SP140: variants seen among roughly 807,000 people sequenced by gnomAD.
The protein encoded by SP140 is nuclear body protein SP140.
SP140 carries 81 observed loss-of-function variants against 125.0 expected under a neutral mutation model. The ratio of observed to expected loss-of-function variants is 0.65; its 90% CI spans 0.54 to 0.78. The LOEUF (loss-of-function observed/expected upper bound fraction) is 0.78. SP140 is among the 30% of genes least tolerant of loss of function. The pLI, the probability that SP140 is intolerant of heterozygous loss-of-function variation, is 0.00. For synonymous variants in SP140, 312 were observed against 354.0 expected, an observed-to-expected ratio of 0.88 and a Z score of 1.33; for missense variants, 858 against 1,037.0, an observed-to-expected ratio of 0.83 and a Z score of 2.37.
chr2:230,236,090 T>C (rs1007702816), intron 1 of SP140, among the ~76,000 whole-genome samples: 1 of 152,150 alleles, frequency 6.6e-6, no homozygotes, highest in African/African-American at 2.4e-5. Flanking sequence ...TTAGCCAGGA[T>C]GGTCTCGATC....
intron 22 of SP140, 83 bp from the exon 23 acceptor site, chr2:230,309,840 AG>A: frequency 7.2e-7 from 1 of 1,383,630 alleles, no homozygotes; most frequent in East Asian, 2.3e-5. Context: ...GTTCACACAA[AG>A]GCAGTGTGTT....
chr2:230,247,825 T>G (rs1357739008), intron 7 of SP140, 91 bp from the exon 8 acceptor site: 2 of 1,356,594 alleles, frequency 1.5e-6, no homozygotes, highest in African/African-American at 2.9e-5. Flanking sequence ...AAAGTCACCT[T>G]GTTTCACTAC....
rs184548525 is a variant in SP140 at position 230,211,055 on chromosome 2, G to A, written c.-322-2599G>A. On this transcript the variant is annotated intron_variant, in intron 1 of 4. Coordinates refer to the SP140 transcript ENST00000456542. This position sits in a 1 kb window ranked among gnomAD's most constrained non-coding sequence, Gnocchi z 4.2. ...TTTTGAGCACTACTTTATTGAAGTG[G>A]CCTCAGAAGAGTGGCTCTGTCAAAC... Among the ~76,000 whole-genome samples, 2 of 152,292 alleles carry A rather than the reference G, an allele frequency of 1.3e-5. No homozygotes were observed. The highest frequency in any genetic ancestry group is 2.9e-5 in the Non-Finnish European group (2 of 68,028).
the SP140 span, among the ~76,000 whole-genome samples, chr2:230,195,665 A>G: frequency 6.6e-6 from 1 of 152,262 alleles, no homozygotes; most frequent in East Asian, 1.9e-4. Flanking sequence ...TCAAGACTAG[A>G]CAAAGATTGT....
At chr2:230,310,433 C>T (rs1243308831) in intron 23 of SP140, 3 of 567,898 alleles carry the variant, frequency 5.3e-6, no homozygotes, top group African/African-American at 3.8e-5. Context: ...GGGCTGAAAA[C>T]CCAGTTTCTG....
At chr2:230,231,165 T>A (rs1255649279) in intron 1 of SP140, among the ~76,000 whole-genome samples, 2 of 152,228 alleles carry the variant, frequency 1.3e-5, no homozygotes, top group African/African-American at 4.8e-5. Flanking sequence ...GCGTATTGTG[T>A]GCTTTTTTCT....
intron 1 of SP140, among the ~76,000 whole-genome samples, chr2:230,208,739 C>T (rs2044151624): frequency 1.3e-5 from 2 of 152,208 alleles, no homozygotes; most frequent in Admixed American, 1.3e-4. Context: ...CCAGTGAGTG[C>T]ACTCTGCCCT....
chr2:230,248,794 T>A (rs1285139410), intron 8 of SP140, 91 bp from the exon 9 acceptor site: 2 of 995,810 alleles, frequency 2.0e-6, no homozygotes, highest in Non-Finnish European at 3.2e-6. Context: ...GGGGTGGCTC[T>A]CAGCATTTGC....
chr2:230,217,694 A>G (rs1242565255), intron 3 of SP140, among the ~76,000 whole-genome samples: 1 of 152,214 alleles, frequency 6.6e-6, no homozygotes, highest in African/African-American at 2.4e-5. Flanking sequence ...TAGAGAGTGG[A>G]AGAGCTGGGA....
chr2:230,224,735 C>T (rs749665302), upstream of SP140, among the ~76,000 whole-genome samples: 2 of 152,272 alleles, frequency 1.3e-5, no homozygotes, highest in Non-Finnish European at 1.5e-5. Context: ...GATTCAGGAG[C>T]ACATGTTTTG....
chr2:230,238,651 C>A, intron 3 of SP140: 3 of 938,990 alleles, frequency 3.2e-6, no homozygotes, highest in South Asian at 1.6e-5. Flanking sequence ...GGGTTGAAGT[C>A]TCTATTTTTT....
At chr2:230,223,372 T>C (rs1282662620), upstream of SP140, among the ~76,000 whole-genome samples, 1 of 152,182 alleles carries the variant, frequency 6.6e-6, no homozygotes, top group Non-Finnish European at 1.5e-5. Context: ...GTGATCCAGA[T>C]ATCTTTCAAC....
At chr2:230,303,740 A>T (rs2058514671) in intron 22 of SP140, among the ~76,000 whole-genome samples, 1 of 152,256 alleles carries the variant, frequency 6.6e-6, no homozygotes, top group Non-Finnish European at 1.5e-5. Flanking sequence ...CAAAATTGGC[A>T]TAGAGGGGAC....
chr2:230,243,808 C>T lies in SP140; in HGVS notation c.568C>T (p.Pro190Ser). The T allele has an allele frequency of 6.2e-7, 1 of 1,609,290 alleles. No individual in the cohort carries two copies. The highest frequency in any genetic ancestry group is 8.5e-7 in the Non-Finnish European group (1 of 1,176,080). The change falls in exon 5 of 27, where the codon CCA becomes TCA. Residue 190 changes from proline to serine, a missense_variant. By Grantham distance (74) the Pro-to-Ser change is moderately conservative. Coordinates refer to ENST00000392045, the MANE Select transcript of SP140 (RefSeq NM_007237.5). ...CTTGAGCTCCTCGCCAAGGTGTGAGCCAGGTAAGGAAGGAGTGACTTGCTC... is the reference window on the plus strand; with the variant it reads ...CTTGAGCTCCTCGCCAAGGTGTGAGTCAGGTAAGGAAGGAGTGACTTGCTC... Reference protein sequence around the residue: ...EALSSSPRCEPGFSSESCEQL... With the variant: ...EALSSSPRCESGFSSESCEQL...
Position 230,311,071 on chromosome 2 carries a change from G to A in SP140, c.2284-83G>A, listed in dbSNP as rs2059289700. 3.1e-6 allele frequency: 5 copies of A among 1,605,316 alleles called. No homozygotes were observed. In the African/African-American group the frequency reaches 6.7e-5, roughly 22 times the overall value. ...ATGTTAGAGAAACTTGAGGAAGAAG[G>A]GTGTGAGTTCTGTGCTGTGTCTCAT... On this transcript the variant is annotated intron_variant, in intron 24 of 26. Coordinates refer to ENST00000392045, the MANE Select transcript of SP140 (RefSeq NM_007237.5).
At position 230,238,326 on chromosome 2, in the gene SP140, G is replaced by C; in HGVS notation, c.351G>C (p.Arg117Ser). Residue 117 changes from arginine (R) to serine (S), a missense_variant, in exon 3 of 27, where the codon AGG becomes AGC. Arg to Ser is a moderately radical substitution (Grantham distance 110, BLOSUM62 -1). Coordinates refer to ENST00000392045, the MANE Select transcript of SP140 (RefSeq NM_007237.5). ...CACATCTGGAAGCATTGTTCAGCAG[G>C]ATTAACCTGATGGCCTATCCTGATT... ...GWSHLEALFS[R>S]INLMAYPDLN... 6.2e-7 allele frequency: 1 copy of C among 1,613,938 alleles called. No individual in the cohort carries two copies. The highest frequency in any genetic ancestry group is 8.5e-7 in the Non-Finnish European group (1 of 1,179,934).
intron 1 of SP140, among the ~76,000 whole-genome samples, chr2:230,227,292 C>G (rs752032962): frequency 1.3e-5 from 2 of 152,136 alleles, no homozygotes; most frequent in Non-Finnish European, 2.9e-5. Context: ...CCAGTGCCAC[C>G]ACTCCCAGAC....
At chr2:230,316,045 C>T (rs6713654), downstream of SP140, among the ~76,000 whole-genome samples, 19 of 152,182 alleles carry the variant, frequency 1.2e-4, no homozygotes, top group African/African-American at 3.6e-4. Flanking sequence ...TATATCCTTA[C>T]GGTCTTGCTC....
At chr2:230,216,965 G>C in intron 3 of SP140, 4 of 1,594,820 alleles carry the variant, frequency 2.5e-6, no homozygotes, top group Non-Finnish European at 3.4e-6. Context: ...AGAAGCAAAG[G>C]CTGGGCGCGG....
Sources: gnomAD v4.1 joint callset for allele counts (sites outside exome capture counted in the v4.1 genomes callset) on GRCh38, gnomAD v4.1.1 for gene constraint, Gnocchi (gnomAD v3.1) non-coding constraint, MANE v1.5 for transcripts, NCBI Gene and HGNC (gene_info 2026-07-23, HGNC 2026-07-21) for gene names.